The following ADAMTSL1 variants were observed in gnomAD, a reference collection of about 807,000 sequenced individuals.
The protein encoded by ADAMTSL1 is ADAMTS like 1.
ADAMTSL1 carries 126 observed loss-of-function variants against 201.8 expected under a neutral mutation model. The ratio of observed to expected loss-of-function variants is 0.62; its 90% CI spans 0.54 to 0.72. The LOEUF (loss-of-function observed/expected upper bound fraction) is 0.72. Ranked by LOEUF, ADAMTSL1 falls within the 30% of genes least tolerant of loss-of-function variation. ADAMTSL1 has a pLI of 0.00. For missense variants in ADAMTSL1, 2,679 were observed against 2,277.8 expected (o/e 1.18, Z -3.59); for synonymous variants, 1,121 against 903.4 (o/e 1.24, Z -4.32).
At chr9:18,518,969 A>G (rs1818525209) in intron 2 of ADAMTSL1, among the ~76,000 whole-genome samples, 1 of 152,158 alleles carries the variant, frequency 6.6e-6, no homozygotes, top group African/African-American at 2.4e-5. Flanking sequence ...ATGGTGTCCT[A>G]GAACTTTAAA....
chr9:18,600,668 A>G (rs1824589982), intron 4 of ADAMTSL1, among the ~76,000 whole-genome samples: 1 of 152,180 alleles, frequency 6.6e-6, no homozygotes, highest in Admixed American at 6.6e-5. Flanking sequence ...TCTGGGTGCT[A>G]AGGCATACAG....
At chr9:18,365,013 G>A (rs1272061098) in intron 2 of ADAMTSL1, among the ~76,000 whole-genome samples, 1 of 152,074 alleles carries the variant, frequency 6.6e-6, no homozygotes, top group Non-Finnish European at 1.5e-5. Flanking sequence ...ATTGAGTGGG[G>A]ACACAGAACC....
chr9:17,945,086 C>A (rs1173364731), intron 1 of ADAMTSL1, among the ~76,000 whole-genome samples: 1 of 71,478 alleles, frequency 1.4e-5, no homozygotes, highest in Non-Finnish European at 2.7e-5. Context: ...GGCTAATATC[C>A]AGAATCTACA....
intron 3 of ADAMTSL1, among the ~76,000 whole-genome samples, chr9:18,546,321 G>C (rs1820463575): frequency 6.6e-6 from 1 of 151,926 alleles, no homozygotes; most frequent in East Asian, 1.9e-4. Context: ...CATTATTATT[G>C]GTTTTTTTAG....
chr9:18,803,752 G>A (rs1822940155), intron 20 of ADAMTSL1, among the ~76,000 whole-genome samples: 1 of 152,022 alleles, frequency 6.6e-6, no homozygotes, highest in Non-Finnish European at 1.5e-5. Flanking sequence ...AAACATGTCT[G>A]TGCTCTGAAT....
At chr9:18,767,375 C>G (rs1820424972) in intron 16 of ADAMTSL1, among the ~76,000 whole-genome samples, 1 of 152,080 alleles carries the variant, frequency 6.6e-6, no homozygotes, top group South Asian at 2.1e-4. Context: ...CCAAATTTGG[C>G]AAATCCTTAG....
intron 3 of ADAMTSL1, among the ~76,000 whole-genome samples, chr9:18,557,313 A>G (rs1467645040): frequency 6.6e-6 from 1 of 151,998 alleles, no homozygotes; most frequent in Non-Finnish European, 1.5e-5. Flanking sequence ...ATTAGAGAAT[A>G]GATGTCTTTC....
chr9:18,868,323 CATT>C (rs1827670591), intron 23 of ADAMTSL1, among the ~76,000 whole-genome samples: 1 of 152,168 alleles, frequency 6.6e-6, no homozygotes, highest in African/African-American at 2.4e-5. Flanking sequence ...TTTTTGTCCT[CATT>C]ATGTATTACA....
At chr9:18,756,279 G>A (rs1243976168) in intron 16 of ADAMTSL1, among the ~76,000 whole-genome samples, 77 of 20,818 alleles carry the variant, frequency 3.7e-3, no homozygotes, top group Admixed American at 6.1e-3. Context: ...ACTCTGTCTC[G>A]ACAAAAAAAA....
chr9:18,830,397 A>G (rs917173089), intron 23 of ADAMTSL1, among the ~76,000 whole-genome samples: 1 of 152,226 alleles, frequency 6.6e-6, no homozygotes, highest in Non-Finnish European at 1.5e-5. Flanking sequence ...TTTCGAGGAG[A>G]AAGTCAAATA....
chr9:18,193,757 T>C (rs1169304326), intron 2 of ADAMTSL1, among the ~76,000 whole-genome samples: 4 of 152,162 alleles, frequency 2.6e-5, no homozygotes, highest in African/African-American at 9.6e-5. Context: ...GTATGGACTT[T>C]GAGAAGCAGA....
chr9:18,289,475 G>A (rs926670230), intron 2 of ADAMTSL1, among the ~76,000 whole-genome samples: 1 of 152,216 alleles, frequency 6.6e-6, no homozygotes, highest in Non-Finnish European at 1.5e-5. Context: ...ATAATGCAAT[G>A]ATACAGAGTT....
Position 18,535,580 on chromosome 9 carries a change from C to A in ADAMTSL1, c.237+2288C>A, listed in dbSNP as rs148110614. Among the ~76,000 whole-genome samples, 632 of 152,254 alleles carry A rather than the reference C, an allele frequency of 4.2e-3. 3 individuals are homozygous for A. Among genetic ancestry groups the A allele is most frequent in the African/African-American group, 0.014 (579 of 41,540 alleles). ...TTATAGCAGCACCCCACTCCTGATA[C>A]CATTTTACTGTATTAGTCCATTCTT... On this transcript the variant is annotated intron_variant, in intron 3 of 28. Coordinates refer to ENST00000380548, the MANE Select transcript of ADAMTSL1 (RefSeq NM_001040272.6).
Position 18,680,293 on chromosome 9 carries a change from A to T in ADAMTSL1, c.1137-19A>T, listed in dbSNP as rs1486149345. On this transcript the variant is annotated intron_variant, in intron 10 of 28. Coordinates refer to ENST00000380548, the MANE Select transcript of ADAMTSL1 (RefSeq NM_001040272.6). ...AGCAATGTGCATGTCTGCCCTGATG[A>T]CTCCCCTTGCTTCTGTAGGTGGGAG... is the stretch of plus-strand genomic sequence containing the variant. 1 of 1,610,680 alleles carries T rather than the reference A, an allele frequency of 6.2e-7. No individual in the cohort carries two copies.
At chr9:18,286,946 T>G (rs919277290) in intron 2 of ADAMTSL1, among the ~76,000 whole-genome samples, 2 of 152,192 alleles carry the variant, frequency 1.3e-5, no homozygotes, top group Non-Finnish European at 2.9e-5. Context: ...GTGAATCTAT[T>G]AAAAACAACT....
At chr9:18,497,269 G>A (rs1822577643) in intron 1 of ADAMTSL1, among the ~76,000 whole-genome samples, 1 of 152,110 alleles carries the variant, frequency 6.6e-6, no homozygotes, top group African/African-American at 2.4e-5. Context: ...TCAAAAACAT[G>A]AAATAAATGA....
chr9:17,994,073 C>T (rs1046845912), intron 1 of ADAMTSL1, among the ~76,000 whole-genome samples: 4 of 149,926 alleles, frequency 2.7e-5, no homozygotes, highest in African/African-American at 1.0e-4. Context: ...TGCTCCACCT[C>T]GGCAGACAGA....
At chr9:18,204,644 C>G (rs751063986) in intron 2 of ADAMTSL1, among the ~76,000 whole-genome samples, 1 of 151,996 alleles carries the variant, frequency 6.6e-6, no homozygotes, top group African/African-American at 2.4e-5. Context: ...TAATACCAAA[C>G]AAAAAAGTTC....
At chr9:18,820,914 T>C (rs1000890105) in intron 21 of ADAMTSL1, among the ~76,000 whole-genome samples, 11 of 152,162 alleles carry the variant, frequency 7.2e-5, no homozygotes, top group African/African-American at 2.7e-4. Flanking sequence ...GCAAAGGGCC[T>C]GAGGTAGAAA....
Sources: allele counts gnomAD v4.1 joint callset (sites outside exome capture counted in the v4.1 genomes callset), GRCh38; gene constraint gnomAD v4.1.1; transcripts MANE v1.5; gene names NCBI Gene and HGNC (gene_info 2026-07-23, HGNC 2026-07-21).